The following HAPSTR1 variants were observed in gnomAD, a reference collection of about 807,000 sequenced individuals.
The protein encoded by HAPSTR1 is HUWE1-associated protein modifying stress responses 1.
chr16:9,091,989 C>A, the HAPSTR1 span: 4 of 1,368,794 alleles, frequency 2.9e-6, no homozygotes, highest in Non-Finnish European at 2.9e-6. Flanking sequence ...CCGCGGGGGC[C>A]CCGCCTGAGG....
the HAPSTR1 span, chr16:9,104,201 A>C: frequency 2.1e-5 from 3 of 145,748 alleles, no homozygotes; most frequent in Non-Finnish European, 3.0e-5. Flanking sequence ...CGCGACCTCT[A>C]CCTCTGGGTT....
chr16:9,121,513 A>T, the HAPSTR1 span: 1 of 152,206 alleles, frequency 6.6e-6, no homozygotes, highest in Admixed American at 6.5e-5. Flanking sequence ...GCTTGATATC[A>T]CGTGGGTTTG....
At chr16:9,103,292 A>G in the HAPSTR1 span, 1 of 1,598,382 alleles carries the variant, frequency 6.3e-7, no homozygotes, top group Non-Finnish European at 8.5e-7. Flanking sequence ...CTTTGGAAAA[A>G]TGGTTAAGAG....
the HAPSTR1 span, among the ~76,000 whole-genome samples, chr16:9,095,141 T>C: frequency 6.6e-6 from 1 of 152,258 alleles, no homozygotes; most frequent in African/African-American, 2.4e-5. Flanking sequence ...ACCTTGTTTC[T>C]GTACAGTGAA....
chr16:9,091,936 C>T, the HAPSTR1 span: 21 of 930,902 alleles, frequency 2.3e-5, no homozygotes, highest in African/African-American at 5.3e-5. Context: ...AAGGCGCCGT[C>T]GGTCGCCAGG....
chr16:9,092,805 A>G, the HAPSTR1 span: 1 of 1,110,262 alleles, frequency 9.0e-7, no homozygotes, highest in African/African-American at 1.6e-5. Flanking sequence ...GCGAAACCTA[A>G]TATGGCCGTT....
chr16:9,093,653 G>A, the HAPSTR1 span, among the ~76,000 whole-genome samples: 1 of 152,190 alleles, frequency 6.6e-6, no homozygotes, highest in Non-Finnish European at 1.5e-5. Flanking sequence ...GTTGCTGGCA[G>A]GAATTCTGTT....
chr16:9,117,615 C>G, the HAPSTR1 span: 2 of 152,784 alleles, frequency 1.3e-5, no homozygotes, highest in East Asian at 3.9e-4. Context: ...CCCAGAGTAA[C>G]CCTGTAGGCC....
At chr16:9,095,440 A>G in the HAPSTR1 span, among the ~76,000 whole-genome samples, 1 of 152,134 alleles carries the variant, frequency 6.6e-6, no homozygotes. Flanking sequence ...TTTAAATATA[A>G]TTTAAGGGGG....
the HAPSTR1 span, among the ~76,000 whole-genome samples, chr16:9,101,252 A>G: frequency 6.6e-6 from 1 of 152,210 alleles, no homozygotes; most frequent in Non-Finnish European, 1.5e-5. Flanking sequence ...GAGATGGGAA[A>G]AGTGGTGACC....
chr16:9,100,903 T>A, the HAPSTR1 span, among the ~76,000 whole-genome samples: 1 of 152,150 alleles, frequency 6.6e-6, no homozygotes, highest in African/African-American at 2.4e-5. Flanking sequence ...TGCTTTAGAC[T>A]TTTTTTCCTC....
At chr16:9,097,739 T>TA in the HAPSTR1 span, among the ~76,000 whole-genome samples, 1 of 152,196 alleles carries the variant, frequency 6.6e-6, no homozygotes, top group African/African-American at 2.4e-5. Context: ...CTGGCTTCAT[T>TA]ATGTTGGCAG....
At chr16:9,116,932 C>G in the HAPSTR1 span, 1 of 1,610,914 alleles carries the variant, frequency 6.2e-7, no homozygotes, top group African/African-American at 1.3e-5. Context: ...ATTTTCACAC[C>G]CACCATGCTG....
the HAPSTR1 span, chr16:9,104,121 T>A: frequency 6.6e-6 from 1 of 151,790 alleles, no homozygotes; most frequent in African/African-American, 2.4e-5. Context: ...TTTCTTTTTT[T>A]TTTTTTTTTG....
At chr16:9,105,670 A>G in the HAPSTR1 span, 4 of 152,342 alleles carry the variant, frequency 2.6e-5, no homozygotes, top group South Asian at 2.1e-4. Flanking sequence ...GGTAAATACA[A>G]TGTCACAATT....
the HAPSTR1 span, chr16:9,104,689 C>T: frequency 3.3e-5 from 5 of 152,182 alleles, 1 homozygote; most frequent in Admixed American, 3.3e-4. Flanking sequence ...TAAGACTGCA[C>T]ACTGTTCCTG....
chr16:9,112,322 G>C, the HAPSTR1 span: 1 of 152,182 alleles, frequency 6.6e-6, no homozygotes, highest in African/African-American at 2.4e-5. Context: ...GTTTCTTAGG[G>C]CCCCCGGTCA....
the HAPSTR1 span, chr16:9,105,916 CT>C: frequency 6.6e-6 from 1 of 152,118 alleles, no homozygotes; most frequent in East Asian, 1.9e-4. Flanking sequence ...TTTTTTTCCC[CT>C]TCCTTACCCC....
At chr16:9,118,794 A>T in the HAPSTR1 span, 2 of 152,682 alleles carry the variant, frequency 1.3e-5, no homozygotes, top group Non-Finnish European at 2.9e-5. Context: ...GTTGCTCACA[A>T]GTGGCCAGAA....
Sources: gnomAD v4.1 joint callset for allele counts (sites outside exome capture counted in the v4.1 genomes callset) on GRCh38, gnomAD v4.1.1 for gene constraint, MANE v1.5 for transcripts, NCBI Gene and HGNC (gene_info 2026-07-23, HGNC 2026-07-21) for gene names.